Variants in COLEC10 observed in about 807,000 individuals in gnomAD.
The protein encoded by COLEC10 is collectin subfamily member 10, also known as collectin-10.
COLEC10 carries 22 observed loss-of-function variants against 28.4 expected under a neutral mutation model. The observed-to-expected ratio is 0.78, with a 90% CI of 0.55 to 1.11. The LOEUF (loss-of-function observed/expected upper bound fraction) is 1.11. Ranked by LOEUF, COLEC10 falls within the 50% of genes least tolerant of loss-of-function variation. The pLI, the probability that COLEC10 is intolerant of heterozygous loss-of-function variation, is 0.00. For missense variants in COLEC10, 361 were observed against 344.1 expected, an observed-to-expected ratio of 1.05 and a Z score of -0.39; for synonymous variants, 125 against 116.1, an observed-to-expected ratio of 1.08 and a Z score of -0.49.
At chr8:119,089,057 T>A (rs1022207660) in intron 1 of COLEC10, among the ~76,000 whole-genome samples, 1 of 152,244 alleles carries the variant, frequency 6.6e-6, no homozygotes, top group Admixed American at 6.5e-5. Flanking sequence ...GTTGAAGATT[T>A]GTTCAAACCA....
At chr8:118,982,643 A>G in the COLEC10 span, 17 of 187,310 alleles carry the variant, frequency 9.1e-5, no homozygotes, top group African/African-American at 3.7e-4. Flanking sequence ...GTTCACAAAC[A>G]GGAAGATCTC....
rs916350664 is a variant in COLEC10, at chr8:119,089,724, G to A, written c.193G>A (p.Gly65Ser). ...KGDPGEEGKHGKVGRMGPKGI... is the reference protein window; with the variant it reads ...KGDPGEEGKHSKVGRMGPKGI... Reference sequence around the variant, plus strand: ...AGATCCAGGAGAAGAGGGAAAGCATGGCAAAGTGGGACGCATGGGGCCGAA... The same window carrying A: ...AGATCCAGGAGAAGAGGGAAAGCATAGCAAAGTGGGACGCATGGGGCCGAA... The change falls in exon 2 of 6, where the codon GGC becomes AGC. Residue 65 changes from glycine (G) to serine (S), a missense_variant. By Grantham distance (56) the Gly-to-Ser change is moderately conservative. Around this residue, in one of 3 missense-constraint regions of COLEC10, gnomAD observed 335 missense variants for 308.5 expected, o/e 1.09. Coordinates refer to ENST00000332843, the MANE Select transcript of COLEC10 (RefSeq NM_006438.5). 2.5e-6 allele frequency: 4 copies of A among 1,613,640 alleles called. No individual in the cohort carries two copies. Among genetic ancestry groups the A allele is most frequent in the Admixed American group, 1.7e-5 (1 of 59,968 alleles).
At chr8:119,091,598 A>AGG (rs1491261531) in intron 3 of COLEC10, among the ~76,000 whole-genome samples, 4 of 99,948 alleles carry the variant, frequency 4.0e-5, no homozygotes, top group Non-Finnish European at 7.4e-5. Context: ...AGAGAGAGAG[A>AGG]AAGAAAGAAA....
At chr8:119,076,568 A>C (rs1268336886) in intron 1 of COLEC10, among the ~76,000 whole-genome samples, 1 of 152,216 alleles carries the variant, frequency 6.6e-6, no homozygotes. Context: ...CAGCCAACAC[A>C]AAATTCTTTA....
upstream of COLEC10, among the ~76,000 whole-genome samples, chr8:118,991,840 T>C (rs1206227513): frequency 7.3e-6 from 1 of 137,212 alleles, no homozygotes; most frequent in Non-Finnish European, 1.5e-5. Flanking sequence ...TTATATTCAA[T>C]TGAATATATT....
intron 1 of COLEC10, among the ~76,000 whole-genome samples, chr8:119,086,036 A>G (rs1010122246): frequency 5.9e-5 from 9 of 152,284 alleles, no homozygotes; most frequent in Middle Eastern, 3.4e-3. Flanking sequence ...GCATCTCCAA[A>G]ATAATTCACT....
rs140257546 is a variant in COLEC10, at chr8:119,023,385, A to G, written n.235+13832A>G. Among the ~76,000 whole-genome samples, 46 of 152,246 alleles carry G rather than the reference A, an allele frequency of 3.0e-4. No individual in the cohort carries two copies. In the East Asian group the frequency reaches 8.3e-3, roughly 27 times the overall value. ...TATCCCTTATACAGATATTTTTGAGAGTGACAATTTCAAGAGAAACTTTAG... is the reference window on the plus strand; with the variant it reads ...TATCCCTTATACAGATATTTTTGAGGGTGACAATTTCAAGAGAAACTTTAG... On this transcript the variant is annotated intron_variant and non_coding_transcript_variant, in intron 2 of 6. Coordinates refer to the COLEC10 transcript ENST00000521788.
chr8:118,954,373 C>A, the COLEC10 span, among the ~76,000 whole-genome samples: 1 of 152,194 alleles, frequency 6.6e-6, no homozygotes, highest in Non-Finnish European at 1.5e-5. Flanking sequence ...AGCAATCTGG[C>A]CAATCCCCTA....
Position 119,106,061 on chromosome 8 carries a change from A to C in COLEC10, c.704A>C (p.Asn235Thr). The C allele has an allele frequency of 6.2e-7, 1 of 1,613,948 alleles. No individual in the cohort carries two copies. Among genetic ancestry groups the C allele is most frequent in the Non-Finnish European group, 8.5e-7 (1 of 1,179,886 alleles). ...CCACTGCAGAACTATAGCAACTGGA[A>C]TGAGGGGGAACCCAGCGACCCCTAT... ...NTPLQNYSNW[N>T]EGEPSDPYGH... The change falls in exon 6 of 6, where the codon AAT (asparagine) becomes ACT (threonine). Residue 235 changes from asparagine (N) to threonine (T), a missense_variant. This residue lies in a region of COLEC10 where 335 missense variants were observed against 308.5 expected (regional missense o/e 1.09). Transcript: ENST00000332843.
intron 2 of COLEC10, among the ~76,000 whole-genome samples, chr8:119,058,239 T>G (rs1814796321): frequency 6.6e-6 from 1 of 152,040 alleles, no homozygotes; most frequent in African/African-American, 2.4e-5. Context: ...GTTTTCATGA[T>G]AGGTTTGAGG....
chr8:119,034,131 C>T (rs542802705), intron 2 of COLEC10, among the ~76,000 whole-genome samples: 4 of 152,238 alleles, frequency 2.6e-5, no homozygotes, highest in African/African-American at 7.2e-5. Context: ...TCTCAGCAAA[C>T]TAACACAGGA....
intron 1 of COLEC10, among the ~76,000 whole-genome samples, chr8:119,085,599 C>CTTCTTTTTTTTTTTTTTTTTTTT (rs1563739053): frequency 3.1e-5 from 2 of 63,554 alleles, no homozygotes; most frequent in African/African-American, 4.8e-5. Flanking sequence ...TCTTCTTCTT[C>CTTCTTTTTTTTTTTTTTTTTTTT]TTTTTTTTTT....
At chr8:118,957,994 C>T in the COLEC10 span, among the ~76,000 whole-genome samples, 9 of 152,174 alleles carry the variant, frequency 5.9e-5, no homozygotes, top group South Asian at 2.1e-4. Flanking sequence ...TAAGGTCACA[C>T]TGCCTGTGCT....
chr8:119,047,406 T>C (rs1429448410), intron 2 of COLEC10, among the ~76,000 whole-genome samples: 2 of 152,196 alleles, frequency 1.3e-5, no homozygotes. Context: ...GTGTACTCAG[T>C]AACCAATAGT....
intron 2 of COLEC10, among the ~76,000 whole-genome samples, chr8:119,027,825 T>A (rs1814220176): frequency 6.6e-6 from 1 of 152,236 alleles, no homozygotes; most frequent in Non-Finnish European, 1.5e-5. Context: ...CTCTCCTCGA[T>A]GCTACCTTGC....
chr8:119,097,440 T>G (rs1815742823), intron 3 of COLEC10, among the ~76,000 whole-genome samples: 1 of 152,120 alleles, frequency 6.6e-6, no homozygotes, highest in Non-Finnish European at 1.5e-5. Context: ...AAAAAAGCAC[T>G]TTCAAGGCAC....
chr8:118,977,533 A>G, the COLEC10 span, among the ~76,000 whole-genome samples: 1 of 141,968 alleles, frequency 7.0e-6, no homozygotes, highest in African/African-American at 2.6e-5. Context: ...TCTCACTCAT[A>G]GGTGGGAACT....
the COLEC10 span, among the ~76,000 whole-genome samples, chr8:118,978,335 C>A: frequency 7.2e-5 from 11 of 152,070 alleles, no homozygotes; most frequent in Non-Finnish European, 1.3e-4. Flanking sequence ...AATTAGAAGT[C>A]TCAAATATCC....
chr8:118,963,338 T>C, the COLEC10 span, among the ~76,000 whole-genome samples: 4 of 152,256 alleles, frequency 2.6e-5, no homozygotes, highest in African/African-American at 9.6e-5. Flanking sequence ...TATCTGCCAC[T>C]AGTGTTACTA....
Sources: allele counts gnomAD v4.1 joint callset (sites outside exome capture counted in the v4.1 genomes callset), GRCh38; gene constraint gnomAD v4.1.1; regional missense constraint gnomAD v4.1.1; transcripts MANE v1.5; gene names NCBI Gene and HGNC (gene_info 2026-07-23, HGNC 2026-07-21).